The following EPRS1 variants were observed in gnomAD, a reference collection of about 807,000 sequenced individuals.
EPRS1 encodes glutamyl-prolyl-tRNA synthetase 1.
A neutral mutation model predicts 188.3 loss-of-function variants in EPRS1; 107 were observed. That is an observed-to-expected ratio of 0.57 (90% CI 0.49 to 0.67). EPRS1 has a LOEUF of 0.67. Among genes scored for constraint, EPRS1 ranks in the 30% least tolerant of loss-of-function variants. EPRS1 has a pLI of 0.00. For synonymous variants in EPRS1, 596 were observed against 593.1 expected (o/e 1.00, Z -0.07); for missense variants, 1,577 against 1,802.2 (o/e 0.88, Z 2.26).
chr1:220,014,664 C>G (rs1220988299), intron 12 of EPRS1, among the ~76,000 whole-genome samples: 1 of 152,196 alleles, frequency 6.6e-6, no homozygotes, highest in Non-Finnish European at 1.5e-5. Flanking sequence ...GGAAAACTGC[C>G]TAATCCTTGA....
rs1170523018 is a variant in EPRS1 at position 220,032,442 on chromosome 1, T to G, written c.473A>C (p.Gln158Pro). ...KRWFGFLEAQ[Q>P]AFQSVGTKWD... ...CTTGGTACCTACTGACTGGAAGGCC[T>G]GCTGGGCTTCAAGAAAGCCAAACCA... Residue 158 changes from glutamine to proline, a missense_variant, in exon 5 of 32, where the codon CAG becomes CCG. Gln to Pro is a moderately conservative substitution (Grantham distance 76). This residue lies in a region of EPRS1 where 1,278 missense variants were observed against 1,457.4 expected (regional missense o/e 0.88). Coordinates refer to ENST00000366923, the MANE Select transcript of EPRS1 (RefSeq NM_004446.3). 4 of 1,613,564 alleles carry G rather than the reference T, an allele frequency of 2.5e-6. No homozygotes were observed. In the African/African-American group the frequency reaches 5.3e-5, roughly 22 times the overall value.
intron 6 of EPRS1, among the ~76,000 whole-genome samples, 167 bp downstream of exon 6, chr1:220,030,219 T>A (rs1662059009): frequency 6.6e-6 from 1 of 152,228 alleles, no homozygotes; most frequent in African/African-American, 2.4e-5. Flanking sequence ...CAACATTAAC[T>A]ATTAATAACA....
Position 220,007,282 on chromosome 1 carries a change from AC to A in EPRS1, c.1661del (p.Gly554ValfsTer16). The A allele has an allele frequency of 6.2e-7, 1 of 1,613,930 alleles. No individual in the cohort carries two copies. Among genetic ancestry groups the A allele is most frequent in the Non-Finnish European group, 8.5e-7 (1 of 1,179,828 alleles). ...CCTCCGAAAAAGTCTCTGCATCAGC[AC>A]CTTCAATGAAAACTTTGGGACTATA... Reference protein sequence around the residue: ...VWYSPKVFIEGADAETFSEGE... With the variant: ...VWYSPKVFIEXADAETFSEGE... On this transcript the variant is annotated frameshift_variant, in exon 14 of 32. Transcript: ENST00000366923. LOFTEE classifies it high-confidence loss of function.
At chr1:219,993,876 T>C (rs7517173) in intron 18 of EPRS1, among the ~76,000 whole-genome samples, 3,289 of 152,270 alleles carry the variant, frequency 0.022, 63 homozygotes, top group East Asian at 0.068. Flanking sequence ...AACAAGCAAA[T>C]AGAAAAAGTA....
intron 20 of EPRS1, among the ~76,000 whole-genome samples, chr1:219,985,806 T>C (rs1660996213): frequency 6.6e-6 from 1 of 152,258 alleles, no homozygotes; most frequent in African/African-American, 2.4e-5. Flanking sequence ...AATCATTTTC[T>C]TGAAATATCA....
chr1:219,989,869 T>C (rs982794139), intron 18 of EPRS1, among the ~76,000 whole-genome samples: 1 of 152,112 alleles, frequency 6.6e-6, no homozygotes, highest in Non-Finnish European at 1.5e-5. Context: ...GTTTATTCTG[T>C]TTTTAGGAAA....
intron 8 of EPRS1, 54 bp downstream of exon 8, chr1:220,024,210 C>A: frequency 1.6e-6 from 2 of 1,213,526 alleles, no homozygotes; most frequent in Non-Finnish European, 2.3e-6. Flanking sequence ...TCACGTTCTA[C>A]TAAAGAAGCA....
At chr1:219,975,373 T>C (rs1660756301) in intron 28 of EPRS1, among the ~76,000 whole-genome samples, 1 of 152,170 alleles carries the variant, frequency 6.6e-6, no homozygotes, top group Non-Finnish European at 1.5e-5. Flanking sequence ...CTTTTCATTG[T>C]CAGAAAAGGG....
intron 28 of EPRS1, among the ~76,000 whole-genome samples, chr1:219,975,845 T>TGGTGGTAAAA (rs372167533): frequency 6.6e-6 from 1 of 151,904 alleles, no homozygotes; most frequent in Non-Finnish European, 1.5e-5. Context: ...CATATCTGTA[T>TGGTGGTAAAA]GTGTGTATGG....
Position 219,991,227 on chromosome 1 carries a change from T to TA in EPRS1, c.2542-2405dup, listed in dbSNP as rs61141405. ...TTCTCCATGGGGAAAGGAGTGACCT[T>TA]AAAAAAAAAAAAAAAAAAAAACCTG... On this transcript the variant is annotated intron_variant, in intron 18 of 31. Transcript: ENST00000366923. Among the ~76,000 whole-genome samples the TA allele has an allele frequency of 2.6e-3, 325 of 123,596 alleles. 1 individual carries two copies. The East Asian group carries it at 0.033, about 12-fold the overall frequency. The allele number at this position is 123,596 out of a possible 152,430, so 81.1% of individuals were successfully genotyped here.
chr1:219,978,496 A>G (rs1660821183), intron 28 of EPRS1, 50 bp downstream of exon 28: 2 of 1,394,906 alleles, frequency 1.4e-6, no homozygotes, highest in South Asian at 2.8e-5. Flanking sequence ...AGGAAAATCT[A>G]AACTCAAATT....
chr1:220,030,575 G>T, intron 5 of EPRS1, 95 bp from the exon 6 acceptor site: 1 of 820,480 alleles, frequency 1.2e-6, no homozygotes. Context: ...TACACACACT[G>T]GTTATGAAAA....
intron 21 of EPRS1, among the ~76,000 whole-genome samples, chr1:219,983,646 A>G (rs2102565513): frequency 6.6e-6 from 1 of 152,292 alleles, no homozygotes; most frequent in East Asian, 1.9e-4. Context: ...CAATCCCAGG[A>G]CTTTGGGACG....
At chr1:219,998,077 T>C (rs967892128) in intron 17 of EPRS1, among the ~76,000 whole-genome samples, 2 of 152,238 alleles carry the variant, frequency 1.3e-5, no homozygotes, top group African/African-American at 4.8e-5. Flanking sequence ...CATTCTTCCC[T>C]ACTGAAACCC....
At chr1:220,030,595 C>T (rs1558060816) in intron 5 of EPRS1, 115 bp from the exon 6 acceptor site, 12 of 718,920 alleles carry the variant, frequency 1.7e-5, no homozygotes, top group Non-Finnish European at 2.2e-5. Context: ...AATATGATGA[C>T]TAGAACATCA....
intron 6 of EPRS1, 56 bp downstream of exon 6, chr1:220,030,330 T>C: frequency 8.5e-7 from 1 of 1,176,680 alleles, no homozygotes; most frequent in Non-Finnish European, 1.3e-6. Context: ...TAATCACTGT[T>C]TTAAAGCTTT....
At position 219,978,534 on chromosome 1, in the gene EPRS1, T is replaced by A. The variant is rs1248889258; in HGVS notation, c.4083+12A>T. ...AGATGTTGGGGGTAAAAGATAAAGC[T>A]TAGGAATTTACCTTGAGCTCCCAGT... On this transcript the variant is annotated intron_variant, in intron 28 of 31. Coordinates refer to ENST00000366923, the MANE Select transcript of EPRS1 (RefSeq NM_004446.3). The A allele has an allele frequency of 6.4e-7, 1 of 1,551,272 alleles. No individual in the cohort carries two copies. The highest frequency in any genetic ancestry group is 8.8e-7 in the Non-Finnish European group (1 of 1,142,458).
chr1:220,038,082 CT>C lies in EPRS1; in HGVS notation c.131+2102del, dbSNP rs35446521. On this transcript the variant is annotated intron_variant, in intron 2 of 31. Transcript: ENST00000366923. Reference sequence around the variant, plus strand: ...ACAGGGGAAAGTGTTTCAGCTTTATCTTTTTTTTTTTTTTTTTGAGATGGAG... The same window carrying C: ...ACAGGGGAAAGTGTTTCAGCTTTATCTTTTTTTTTTTTTTTTGAGATGGAG... 4.2e-3 allele frequency among the ~76,000 whole-genome samples: 561 copies of C among 133,900 alleles called. 4 individuals carry two copies. The highest frequency in any genetic ancestry group is 0.011 in the African/African-American group (414 of 36,370). 87.8% of individuals were successfully genotyped at this position (133,900 alleles called of 152,430 possible).
At chr1:220,031,351 T>C (rs1356981013) in intron 5 of EPRS1, among the ~76,000 whole-genome samples, 1 of 152,150 alleles carries the variant, frequency 6.6e-6, no homozygotes, top group African/African-American at 2.4e-5. Context: ...AGTGATACCC[T>C]GAACTAGAGA....
Sources: allele counts gnomAD v4.1 joint callset (sites outside exome capture counted in the v4.1 genomes callset), GRCh38; gene constraint gnomAD v4.1.1; regional missense constraint gnomAD v4.1.1; transcripts MANE v1.5; gene names NCBI Gene and HGNC (gene_info 2026-07-23, HGNC 2026-07-21).